Variants in ZFAT observed in about 807,000 individuals in gnomAD.
The protein encoded by ZFAT is zinc finger and AT-hook domain containing.
Under a neutral mutation model 117.7 loss-of-function variants are expected in ZFAT, and 64 were observed. The ratio of observed to expected loss-of-function variants is 0.54; its 90% confidence interval spans 0.44 to 0.67. The LOEUF (loss-of-function observed/expected upper bound fraction) is 0.67, where lower values mean the gene tolerates loss of function less well. Among genes scored for constraint, ZFAT ranks in the 30% least tolerant of loss-of-function variants. The pLI is 0.00. For synonymous variants in ZFAT, 679 were observed against 615.0 expected, an observed-to-expected ratio of 1.10 and a Z score of -1.54; for missense variants, 1,433 against 1,584.5, an observed-to-expected ratio of 0.90 and a Z score of 1.62.
At chr8:134,487,029 T>C (rs138966424) in intron 15 of ZFAT, among the ~76,000 whole-genome samples, 166 of 152,324 alleles carry the variant, frequency 1.1e-3, no homozygotes, top group Admixed American at 2.5e-3. Flanking sequence ...TGTGTCCATA[T>C]ATTTGCATAT....
chr8:134,527,500 T>C (rs78053965), intron 12 of ZFAT, among the ~76,000 whole-genome samples: 2,667 of 152,306 alleles, frequency 0.018, 83 homozygotes, highest in African/African-American at 0.061. Context: ...GGAATAGAAT[T>C]TTGCTGACAT....
intron 15 of ZFAT, among the ~76,000 whole-genome samples, chr8:134,504,532 C>T (rs1465924622): frequency 6.6e-6 from 1 of 152,178 alleles, no homozygotes; most frequent in African/African-American, 2.4e-5. Context: ...TAGACAGGCA[C>T]TGATTGTTCT....
chr8:134,611,089 G>A (rs925587342), intron 3 of ZFAT, among the ~76,000 whole-genome samples: 2 of 152,248 alleles, frequency 1.3e-5, no homozygotes, highest in Admixed American at 1.3e-4. Flanking sequence ...GGAGTGATAA[G>A]GTACAGACCC....
At chr8:134,625,783 AGGCTGCTGGGCACGAGC>A (rs745741017) in intron 3 of ZFAT, among the ~76,000 whole-genome samples, 20 of 151,864 alleles carry the variant, frequency 1.3e-4, no homozygotes, top group Non-Finnish European at 2.1e-4. Context: ...CCAGATGTAC[AGGCTGCTGGGCACGAGC>A]CGTGAGCCAC....
intron 12 of ZFAT, among the ~76,000 whole-genome samples, chr8:134,532,139 A>C (rs1221115801): frequency 2.0e-5 from 3 of 152,278 alleles, no homozygotes; most frequent in African/African-American, 7.2e-5. Flanking sequence ...ATTGAAATAA[A>C]ACAACAAAAA....
At chr8:134,755,753 A>C in the ZFAT span, among the ~76,000 whole-genome samples, 2 of 144,196 alleles carry the variant, frequency 1.4e-5, no homozygotes, top group Non-Finnish European at 3.0e-5. Flanking sequence ...CAGAGGTTGC[A>C]GTTAGCCGAG....
intron 1 of ZFAT, among the ~76,000 whole-genome samples, chr8:134,675,898 G>C (rs1424276043): frequency 6.6e-6 from 1 of 152,074 alleles, no homozygotes; most frequent in African/African-American, 2.4e-5. Flanking sequence ...AACACTGAGA[G>C]ATTTTTGTCA....
rs75896721 is a variant in ZFAT at position 134,587,367 on chromosome 8, A to G, written c.2713+879T>C. ...GCCTTCTCCGGGTTCCCAATCTGTC[A>G]GTTACGATTCTCATTACTGAACCAC... On this transcript the variant is annotated intron_variant, in intron 9 of 15. Transcript: ENST00000377838. Among the ~76,000 whole-genome samples, 356 of 152,268 alleles carry G rather than the reference A, an allele frequency of 2.3e-3. 1 individual carries two copies. The highest frequency in any genetic ancestry group is 8.1e-3 in the African/African-American group (338 of 41,546).
In ZFAT at chr8:134,493,958, C is replaced by A. The variant is rs536703527; in HGVS notation, c.3493-15237G>T. Among the ~76,000 whole-genome samples the A allele has an allele frequency of 3.3e-5, 5 of 152,372 alleles. No homozygotes were observed. The South Asian group carries it at 1.0e-3, about 32-fold the overall frequency. ...AGATTCACTAAGAAAGGGAAGGAGG[C>A]AGGCAGAGTTCCCCCCTCCTCACAA... On this transcript the variant is annotated intron_variant, in intron 15 of 15. Coordinates refer to ENST00000377838, the MANE Select transcript of ZFAT (RefSeq NM_020863.4).
Position 134,608,718 on chromosome 8 carries a change from A to C in ZFAT, c.785+11T>G, listed in dbSNP as rs747403466. On this transcript the variant is annotated intron_variant, in intron 5 of 15. Coordinates refer to ENST00000377838, the MANE Select transcript of ZFAT (RefSeq NM_020863.4). ...CCTCTGGCTGAAGTTACACAGAACA[A>C]AACACTTTACCTGCTTGACTTCATT... 2 of 1,608,782 alleles carry C rather than the reference A, an allele frequency of 1.2e-6. No homozygotes were observed. The highest frequency in any genetic ancestry group is 3.4e-5 in the Admixed American group (2 of 59,014).
chr8:134,550,877 A>G (rs1460555098), intron 11 of ZFAT, among the ~76,000 whole-genome samples: 1 of 152,024 alleles, frequency 6.6e-6, no homozygotes, highest in Admixed American at 6.5e-5. Context: ...TAACAAGAAA[A>G]CCATGTGTAA....
intron 1 of ZFAT, chr8:134,674,782 G>T (rs1832715171): frequency 6.7e-6 from 2 of 298,232 alleles, no homozygotes; most frequent in South Asian, 2.7e-5. Flanking sequence ...CTGGGACGAA[G>T]CTTCCAGAGG....
intron 1 of ZFAT, among the ~76,000 whole-genome samples, chr8:134,708,891 G>T (rs537805503): frequency 6.6e-6 from 1 of 152,308 alleles, no homozygotes; most frequent in African/African-American, 2.4e-5. Context: ...GGCAGAGGTT[G>T]CAGTGAGCCA....
chr8:134,547,087 T>C (rs1311048259), intron 11 of ZFAT, among the ~76,000 whole-genome samples: 3 of 152,206 alleles, frequency 2.0e-5, no homozygotes, highest in Admixed American at 2.0e-4. Context: ...GATGGAGATA[T>C]TAACATTCTC....
chr8:134,663,388 A>G (rs528855269), intron 1 of ZFAT, among the ~76,000 whole-genome samples: 12 of 152,350 alleles, frequency 7.9e-5, no homozygotes, highest in African/African-American at 2.9e-4. Flanking sequence ...GATATTATTT[A>G]TGAATAGATG....
At chr8:134,657,434 A>G (rs1831673554) in intron 2 of ZFAT, 127 bp downstream of exon 2, 2 of 991,692 alleles carry the variant, frequency 2.0e-6, no homozygotes, top group Non-Finnish European at 2.9e-6. Context: ...CATATCTACA[A>G]TTGGAGACTT....
intron 7 of ZFAT, chr8:134,598,755 G>A (rs536606905): frequency 6.6e-6 from 1 of 152,380 alleles, no homozygotes; most frequent in South Asian, 2.1e-4. Context: ...AAAAGGAGAA[G>A]TAGAATCAAT....
intron 3 of ZFAT, among the ~76,000 whole-genome samples, chr8:134,637,062 G>A (rs1356969597): frequency 6.6e-6 from 1 of 152,204 alleles, no homozygotes; most frequent in African/African-American, 2.4e-5. Context: ...CACCCAAACT[G>A]TGACACCAGA....
chr8:134,729,483 C>T, the ZFAT span, among the ~76,000 whole-genome samples: 1 of 152,218 alleles, frequency 6.6e-6, no homozygotes, highest in African/African-American at 2.4e-5. Flanking sequence ...AGGCGCCTGC[C>T]ACCACGCCCA....
Sources: gnomAD v4.1 joint callset for allele counts (sites outside exome capture counted in the v4.1 genomes callset) on GRCh38, gnomAD v4.1.1 for gene constraint, MANE v1.5 for transcripts, NCBI Gene and HGNC (gene_info 2026-07-23, HGNC 2026-07-21) for gene names.